SYT14: variants seen among roughly 807,000 people sequenced by gnomAD.
SYT14 encodes the protein synaptotagmin 14.
In SYT14, 32 loss-of-function variants were observed where a neutral mutation model predicts 74.2. The observed-to-expected ratio is 0.43, with a 90% CI of 0.33 to 0.58. The LOEUF (loss-of-function observed/expected upper bound fraction) is 0.58, where lower values mean the gene tolerates loss of function less well. Among genes scored for constraint, SYT14 ranks in the 20% least tolerant of loss-of-function variants. The pLI, the probability that SYT14 is intolerant of heterozygous loss-of-function variation, is 0.05. For missense variants in SYT14, 791 were observed against 981.8 expected, an observed-to-expected ratio of 0.81 and a Z score of 2.60; for synonymous variants, 298 against 337.7, an observed-to-expected ratio of 0.88 and a Z score of 1.29.
chr1:210,058,828 C>T (rs1202339729), intron 5 of SYT14, among the ~76,000 whole-genome samples: 1 of 152,006 alleles, frequency 6.6e-6, no homozygotes, highest in African/African-American at 2.4e-5. Flanking sequence ...AAAATGTTCC[C>T]GAATGAAGTC....
At chr1:210,121,712 T>C (rs1198995184) in intron 7 of SYT14, among the ~76,000 whole-genome samples, 2 of 150,936 alleles carry the variant, frequency 1.3e-5, no homozygotes, top group Non-Finnish European at 2.9e-5. Context: ...GAGAATGGCG[T>C]GAACCCAGGA....
exon 10 of SYT14, chr1:210,161,027 G>T: frequency 1.2e-6 from 2 of 1,613,644 alleles, no homozygotes; most frequent in Non-Finnish European, 1.7e-6. Flanking sequence ...GATGGCATGC[G>T]TTGCTAGAGT....
intron 2 of SYT14, among the ~76,000 whole-genome samples, chr1:209,994,934 A>G (rs1342255620): frequency 2.6e-5 from 4 of 152,256 alleles, no homozygotes; most frequent in African/African-American, 9.6e-5. Context: ...TCAGATTTTA[A>G]GCAAATGCTG....
intron 6 of SYT14, among the ~76,000 whole-genome samples, chr1:210,099,371 G>A (rs1401523688): frequency 1.3e-5 from 2 of 152,042 alleles, no homozygotes; most frequent in Non-Finnish European, 2.9e-5. Flanking sequence ...AGTCATTAAT[G>A]TTAGAAAATA....
At chr1:209,956,404 G>A (rs1424141358) in intron 2 of SYT14, among the ~76,000 whole-genome samples, 8 of 152,104 alleles carry the variant, frequency 5.3e-5, no homozygotes, top group Admixed American at 2.6e-4. Flanking sequence ...CTCCTAGCTT[G>A]TGGCTCTGGC....
intron 5 of SYT14, among the ~76,000 whole-genome samples, chr1:210,075,099 T>C (rs963810322): frequency 1.1e-4 from 16 of 152,180 alleles, no homozygotes; most frequent in Non-Finnish European, 2.2e-4. Flanking sequence ...GTCCGACCGC[T>C]CAGCGGCCCG....
At chr1:210,023,233 T>C (rs2080338631) in intron 5 of SYT14, among the ~76,000 whole-genome samples, 2 of 152,184 alleles carry the variant, frequency 1.3e-5, no homozygotes, top group Admixed American at 1.3e-4. Flanking sequence ...AGCTTGTTTA[T>C]CTCAAAAAAC....
intron 5 of SYT14, among the ~76,000 whole-genome samples, chr1:210,089,961 T>C (rs1428828107): frequency 6.6e-6 from 1 of 152,218 alleles, no homozygotes; most frequent in Admixed American, 6.5e-5. Flanking sequence ...ATTGGTTACT[T>C]GGCTACATCC....
chr1:210,089,092 A>G (rs759006391), intron 5 of SYT14, among the ~76,000 whole-genome samples: 10 of 151,850 alleles, frequency 6.6e-5, no homozygotes, highest in Non-Finnish European at 1.3e-4. Context: ...ATGTGTTCTC[A>G]TTGTTCAATT....
intron 7 of SYT14, among the ~76,000 whole-genome samples, chr1:210,150,802 A>C (rs190376445): frequency 3.3e-5 from 5 of 152,328 alleles, no homozygotes; most frequent in African/African-American, 1.2e-4. Context: ...AAAATATTGA[A>C]CATAAGTAGT....
At chr1:210,065,599 CT>C (rs2081281472) in intron 5 of SYT14, among the ~76,000 whole-genome samples, 1 of 150,630 alleles carries the variant, frequency 6.6e-6, no homozygotes. Context: ...TATATTTTGT[CT>C]TTTAAAAAAT....
At chr1:209,981,450 C>CTTTTTTTTTTTTTTTTTTTTTTTTCT (rs1183885685) in intron 2 of SYT14, among the ~76,000 whole-genome samples, 1 of 99,050 alleles carries the variant, frequency 1.0e-5, no homozygotes, top group Non-Finnish European at 1.9e-5. Context: ...TTTTTCTTTT[C>CTTTTTTTTTTTTTTTTTTTTTTTTCT]TTTTTTTTTT....
intron 2 of SYT14, among the ~76,000 whole-genome samples, chr1:209,979,423 C>T (rs971097960): frequency 6.6e-6 from 1 of 151,960 alleles, no homozygotes; most frequent in African/African-American, 2.4e-5. Flanking sequence ...TTCTTGAGGA[C>T]AGCAGACAAA....
chr1:209,952,077 C>A (rs2078920286), intron 1 of SYT14, among the ~76,000 whole-genome samples: 2 of 152,022 alleles, frequency 1.3e-5, no homozygotes, highest in African/African-American at 4.8e-5. Flanking sequence ...TACTTTGTGA[C>A]AATTACATGA....
intron 5 of SYT14, among the ~76,000 whole-genome samples, chr1:210,091,566 T>G (rs993701126): frequency 2.6e-5 from 4 of 152,134 alleles, no homozygotes; most frequent in Non-Finnish European, 5.9e-5. Context: ...GGCTCATGCC[T>G]ATAGTTCCAG....
chr1:210,013,719 T>A, exon 3 of SYT14: 1 of 1,613,112 alleles, frequency 6.2e-7, no homozygotes, highest in East Asian at 2.2e-5. Context: ...TAATAAGAAG[T>A]TCTGTTTTGA....
At chr1:209,990,589 T>C (rs2079664792) in intron 2 of SYT14, among the ~76,000 whole-genome samples, 1 of 27,102 alleles carries the variant, frequency 3.7e-5, no homozygotes, top group African/African-American at 5.9e-5. Context: ...ATTTCTTGTT[T>C]TAATGAAATA....
exon 10 of SYT14, chr1:210,170,077 A>C (rs1387867868): frequency 6.6e-6 from 1 of 152,098 alleles, no homozygotes; most frequent in African/African-American, 2.4e-5. Flanking sequence ...AGTGTGATAA[A>C]GTTTAAATGC....
chr1:210,028,233 A>G (rs1410786625), intron 5 of SYT14, among the ~76,000 whole-genome samples: 1 of 147,954 alleles, frequency 6.8e-6, no homozygotes, highest in East Asian at 2.0e-4. Flanking sequence ...AGCATGTATC[A>G]GAATTTTATT....
Sources: allele counts gnomAD v4.1 joint callset (sites outside exome capture counted in the v4.1 genomes callset), GRCh38; gene constraint gnomAD v4.1.1; transcripts MANE v1.5; gene names NCBI Gene and HGNC (gene_info 2026-07-23, HGNC 2026-07-21).